OPA1: variants seen among roughly 807,000 people sequenced by gnomAD.
The protein encoded by OPA1 is OPA1 mitochondrial dynamin like GTPase, also known as dynamin-like GTPase OPA1, mitochondrial.
A neutral mutation model predicts 152.9 loss-of-function variants in OPA1; 59 were observed. The observed-to-expected ratio is 0.39, with a 90% CI of 0.31 to 0.48. OPA1 has a LOEUF of 0.48. Ranked by LOEUF, OPA1 falls within the 20% of genes least tolerant of loss-of-function variation. OPA1 has a pLI of 0.96. For synonymous variants in OPA1, 400 were observed against 389.9 expected (o/e 1.03, Z -0.31); for missense variants, 1,008 against 1,216.8 (o/e 0.83, Z 2.55).
At position 193,615,119 on chromosome 3, in the gene OPA1, G is replaced by A. The variant is rs113990764; in HGVS notation, c.351+78G>A. The A allele has an allele frequency of 5.7e-3, 6,398 of 1,129,862 alleles. 255 individuals carry two copies. In the African/African-American group the frequency reaches 0.086, roughly 15 times the overall value. The allele number at this position is 1,129,862 out of a possible 1,614,324, so 70.0% of individuals were successfully genotyped here. A position where few individuals can be genotyped will look rare whatever the true frequency, so the allele number is the denominator to read the frequency against. On this transcript the variant is annotated intron_variant, in intron 2 of 30. Transcript: ENST00000361510. ...CTATAGCATAAATCATTTTTGTGTA[G>A]TGGAATACAATTGGATGTTTAAACA...
chr3:193,617,687 C>A (rs1003590081), intron 4 of OPA1, 97 bp from the exon 5 acceptor site: 3 of 876,892 alleles, frequency 3.4e-6, no homozygotes, highest in African/African-American at 3.3e-5. Flanking sequence ...CAATTATTGC[C>A]CTATCGTAAT....
intron 29 of OPA1, among the ~76,000 whole-genome samples, chr3:193,670,686 G>A (rs955188401): frequency 6.6e-6 from 1 of 152,072 alleles, no homozygotes; most frequent in Non-Finnish European, 1.5e-5. Flanking sequence ...TTTAAGATGA[G>A]TACATAAGTA....
chr3:193,668,846 T>C (rs1455313641), intron 29 of OPA1: 60 of 1,081,708 alleles, frequency 5.5e-5, no homozygotes, highest in Non-Finnish European at 6.3e-5. Context: ...GATTGCATAC[T>C]AAAATTTACT....
chr3:193,628,756 G>C (rs1054589543), intron 7 of OPA1: 2 of 152,188 alleles, frequency 1.3e-5, no homozygotes, highest in Non-Finnish European at 2.9e-5. Flanking sequence ...AAGACCTAGA[G>C]TGACAGATTG....
chr3:193,635,500 G>C lies in OPA1; in HGVS notation c.926G>C (p.Gly309Ala), dbSNP rs767846962. ...TTAGTATTGCAGAAAGATGACAAAGGCATTCATCATAGAAAGCTTAAGGTA... is the reference window on the plus strand; with the variant it reads ...TTAGTATTGCAGAAAGATGACAAAGCCATTCATCATAGAAAGCTTAAGGTA... ...RKLVLQKDDKGIHHRKLKKSL... is the reference protein window; with the variant it reads ...RKLVLQKDDKAIHHRKLKKSL... Residue 309 changes from glycine to alanine, a missense_variant, in exon 9 of 31, where the codon GGC (glycine) becomes GCC (alanine). Gly to Ala is a moderately conservative substitution (Grantham distance 60). Around this residue, in one of 7 missense-constraint regions of OPA1, gnomAD observed 408 missense variants for 395.1 expected, o/e 1.03. Transcript: ENST00000361510. 4 of 1,602,758 alleles carry C rather than the reference G, an allele frequency of 2.5e-6. No individual in the cohort carries two copies. The South Asian group carries it at 4.4e-5, about 18-fold the overall frequency.
intron 10 of OPA1, among the ~76,000 whole-genome samples, chr3:193,637,662 A>G (rs1213370303): frequency 2.0e-5 from 3 of 152,186 alleles, no homozygotes; most frequent in African/African-American, 7.2e-5. Flanking sequence ...CTAGCTATGG[A>G]AAAGATTTAT....
chr3:193,679,122 G>C (rs1050777048), intron 29 of OPA1, among the ~76,000 whole-genome samples: 1 of 152,160 alleles, frequency 6.6e-6, no homozygotes, highest in African/African-American at 2.4e-5. Flanking sequence ...ATACGCCAGG[G>C]CCTGTTGGGG....
intron 1 of OPA1, among the ~76,000 whole-genome samples, chr3:193,595,444 C>G (rs2108766375): frequency 6.6e-6 from 1 of 152,288 alleles, no homozygotes; most frequent in East Asian, 1.9e-4. Context: ...TATTTTGCAT[C>G]ATACTTGATT....
intron 16 of OPA1, among the ~76,000 whole-genome samples, chr3:193,645,228 C>CT (rs34171100): frequency 1.3e-5 from 2 of 152,128 alleles, no homozygotes; most frequent in African/African-American, 4.8e-5. Flanking sequence ...TCTCACCAAC[C>CT]TTTTTGAAAA....
intron 21 of OPA1, 141 bp downstream of exon 21, chr3:193,649,012 A>G: frequency 1.6e-6 from 1 of 609,356 alleles, no homozygotes. Context: ...TTTTTTTGGC[A>G]ATATCTAACT....
intron 1 of OPA1, among the ~76,000 whole-genome samples, chr3:193,604,229 C>T (rs1368134362): frequency 2.0e-5 from 3 of 152,140 alleles, no homozygotes; most frequent in African/African-American, 7.2e-5. Flanking sequence ...CTGATTATTA[C>T]ATTCATGAAC....
chr3:193,623,197 G>T (rs553709497), intron 6 of OPA1, among the ~76,000 whole-genome samples: 85 of 152,100 alleles, frequency 5.6e-4, no homozygotes, highest in African/African-American at 2.0e-3. Flanking sequence ...GCCTTTTTTT[G>T]TAAGGCCAAT....
intron 29 of OPA1, among the ~76,000 whole-genome samples, chr3:193,680,652 CA>C (rs910469448): frequency 1.3e-5 from 2 of 151,960 alleles, no homozygotes; most frequent in African/African-American, 4.8e-5. Flanking sequence ...CTAACTAAAT[CA>C]GGGAAAAATA....
chr3:193,609,626 A>C (rs1727870805), intron 1 of OPA1, among the ~76,000 whole-genome samples: 2 of 152,188 alleles, frequency 1.3e-5, no homozygotes. Flanking sequence ...AATATCCTGC[A>C]GAGTGTTTTC....
intron 1 of OPA1, among the ~76,000 whole-genome samples, chr3:193,600,217 C>T (rs138325698): frequency 1.9e-4 from 29 of 152,308 alleles, no homozygotes; most frequent in African/African-American, 6.7e-4. Context: ...AAACTTTAGG[C>T]GTTGACACCA....
At chr3:193,688,588 G>A (rs1047705150) in intron 29 of OPA1, among the ~76,000 whole-genome samples, 3 of 147,634 alleles carry the variant, frequency 2.0e-5, no homozygotes, top group Non-Finnish European at 4.5e-5. Context: ...CCTGAAATGC[G>A]TCTTATTTTA....
At chr3:193,677,563 G>A (rs1719386202) in intron 29 of OPA1, among the ~76,000 whole-genome samples, 1 of 152,164 alleles carries the variant, frequency 6.6e-6, no homozygotes. Flanking sequence ...AATTAAACGA[G>A]ATAGGAAATC....
chr3:193,626,219 G>A lies in OPA1; in HGVS notation c.789+17G>A, dbSNP rs1731106091. 6.4e-7 allele frequency: 1 copy of A among 1,571,586 alleles called. No individual in the cohort carries two copies. Among genetic ancestry groups the A allele is most frequent in the Non-Finnish European group, 8.8e-7 (1 of 1,141,268 alleles). ...AAGCGCAAGGTGATGGATGGTTTAA[G>A]GGGGCTACCGATACATTCACACTAA... On this transcript the variant is annotated intron_variant, in intron 7 of 30. Transcript: ENST00000361510.
intron 26 of OPA1, 88 bp downstream of exon 26, chr3:193,663,050 TA>T (rs1221434552): frequency 7.3e-7 from 1 of 1,363,478 alleles, no homozygotes; most frequent in African/African-American, 1.4e-5. Flanking sequence ...GTTAGATATT[TA>T]AGTGCTTAAT....
Sources: gnomAD v4.1 joint callset for allele counts (sites outside exome capture counted in the v4.1 genomes callset) on GRCh38, gnomAD v4.1.1 for gene constraint, gnomAD v4.1.1 regional missense constraint, MANE v1.5 for transcripts, NCBI Gene and HGNC (gene_info 2026-07-23, HGNC 2026-07-21) for gene names.